Variants in FANCD2 observed in about 807,000 individuals in gnomAD.
FANCD2 encodes the protein Fanconi anemia group D2 protein.
A neutral mutation model predicts 192.3 loss-of-function variants in FANCD2; 131 were observed. The ratio of observed to expected loss-of-function variants is 0.68; its 90% CI spans 0.59 to 0.79. The LOEUF is 0.79. Ranked by LOEUF, FANCD2 falls within the 30% of genes least tolerant of loss-of-function variation. The pLI is 0.00. For missense variants in FANCD2, 1,508 were observed against 1,701.6 expected, an observed-to-expected ratio of 0.89 and a Z score of 2.00; for synonymous variants, 524 against 612.5, an observed-to-expected ratio of 0.86 and a Z score of 2.13.
chr3:10,069,878 C>T (rs950691234), intron 26 of FANCD2, among the ~76,000 whole-genome samples: 3 of 151,868 alleles, frequency 2.0e-5, no homozygotes, highest in African/African-American at 7.3e-5. Context: ...TCTGCCCGGC[C>T]GCCACCCCGT....
intron 2 of FANCD2, 114 bp downstream of exon 2, chr3:10,028,835 G>A (rs1427304528): frequency 1.1e-6 from 1 of 931,358 alleles, no homozygotes; most frequent in Non-Finnish European, 1.7e-6. Context: ...AATGAATGGA[G>A]TGCACAGAAT....
chr3:10,084,545 C>G (rs963242128), intron 32 of FANCD2, among the ~76,000 whole-genome samples: 1 of 152,174 alleles, frequency 6.6e-6, no homozygotes, highest in Admixed American at 6.5e-5. Context: ...AGTGATCCAC[C>G]CGCCTCAGCC....
At chr3:10,049,298 G>A in intron 16 of FANCD2, 76 bp from the exon 17 acceptor site, 1 of 1,372,666 alleles carries the variant, frequency 7.3e-7, no homozygotes. Context: ...GATTGGAGAG[G>A]CCTTGGGGGT....
chr3:10,074,739 T>C lies in FANCD2; in HGVS notation c.2859+66T>C. On this transcript the variant is annotated intron_variant, in intron 29 of 43. Coordinates refer to ENST00000675286, the MANE Select transcript of FANCD2 (RefSeq NM_001018115.3). ...AGAAAGTTCCTCAGGTCTATTCTTA[T>C]TTCACAAAGAACACTGTGACACTGA... 2.7e-6 allele frequency: 4 copies of C among 1,493,446 alleles called. No homozygotes were observed. The East Asian group carries it at 6.8e-5, about 25-fold the overall frequency. The allele number at this position is 1,493,446 out of a possible 1,614,324, so 92.5% of individuals were successfully genotyped here.
chr3:10,049,269 G>A lies in FANCD2; in HGVS notation c.1414-105G>A, dbSNP rs1481955096. 8.2e-6 allele frequency: 10 copies of A among 1,213,676 alleles called. No homozygotes were observed. In the East Asian group the frequency reaches 2.3e-4, roughly 28 times the overall value. 75.2% of individuals were successfully genotyped at this position (1,213,676 alleles called of 1,614,324 possible). Reference sequence around the variant, plus strand: ...AATAGGTGATGGGTTTGGGTTGATTGTGATTTTAACAAAGTAGAGATTGGA... The same window carrying A: ...AATAGGTGATGGGTTTGGGTTGATTATGATTTTAACAAAGTAGAGATTGGA... On this transcript the variant is annotated intron_variant, in intron 16 of 43. Transcript: ENST00000675286.
chr3:10,048,494 A>T (rs1400950074), intron 16 of FANCD2, among the ~76,000 whole-genome samples: 2 of 152,128 alleles, frequency 1.3e-5, no homozygotes, highest in Non-Finnish European at 2.9e-5. Flanking sequence ...TAGTAGACAC[A>T]GCGTTTCACC....
Position 10,080,831 on chromosome 3 carries a change from C to T in FANCD2, c.2977-269C>T, listed in dbSNP as rs77148318. On this transcript the variant is annotated intron_variant, in intron 30 of 43. Coordinates refer to ENST00000675286, the MANE Select transcript of FANCD2 (RefSeq NM_001018115.3). ...CATTTGTCAACCTAAATGATTTCTA[C>T]TTTTATGTGACCTTTATCTGATTAG... is the stretch of plus-strand genomic sequence containing the variant. 0.017 allele frequency among the ~76,000 whole-genome samples: 2,612 copies of T among 152,272 alleles called. 30 individuals carry two copies. The highest frequency in any genetic ancestry group is 0.025 in the Non-Finnish European group (1,703 of 68,016).
At chr3:10,083,488 A>C (rs966507828) in intron 32 of FANCD2, 5 of 152,220 alleles carry the variant, frequency 3.3e-5, no homozygotes, top group Non-Finnish European at 5.9e-5. Flanking sequence ...TTACAATGGT[A>C]CATCCATATT....
chr3:10,074,135 G>A (rs1469726563), intron 28 of FANCD2, among the ~76,000 whole-genome samples: 5 of 151,992 alleles, frequency 3.3e-5, no homozygotes, highest in African/African-American at 9.7e-5. Flanking sequence ...TAGTAGAGAC[G>A]GGGTTTCACC....
chr3:10,050,341 C>T (rs1257960184), intron 17 of FANCD2, among the ~76,000 whole-genome samples: 5 of 152,094 alleles, frequency 3.3e-5, no homozygotes, highest in Non-Finnish European at 7.4e-5. Flanking sequence ...GAATATGTGG[C>T]GGTCCGGGTG....
At chr3:10,043,276 C>T (rs539268105) in intron 12 of FANCD2, 126 bp downstream of exon 12, 1 of 831,382 alleles carries the variant, frequency 1.2e-6, no homozygotes, top group East Asian at 2.6e-5. Context: ...TATTGTTTTT[C>T]AAATTACATA....
At chr3:10,034,828 A>C in intron 5 of FANCD2, 30 bp downstream of exon 5, 2 of 1,497,760 alleles carry the variant, frequency 1.3e-6, no homozygotes. Flanking sequence ...AATCTTGCTG[A>C]AATTCAGTCT....
rs577093127 is a variant in FANCD2, at chr3:10,029,900, C to T, written c.64+1179C>T. Among the ~76,000 whole-genome samples the T allele has an allele frequency of 1.2e-4, 18 of 152,108 alleles. 1 individual carries two copies. In the East Asian group the frequency reaches 3.5e-3, roughly 29 times the overall value. Reference sequence around the variant, plus strand: ...CCAGGTTCAAGCGATTTTCCAGCCTCAGTCTCCCGAGTAGCTGGGATTACA... The same window carrying T: ...CCAGGTTCAAGCGATTTTCCAGCCTTAGTCTCCCGAGTAGCTGGGATTACA... On this transcript the variant is annotated intron_variant, in intron 2 of 43. Coordinates refer to ENST00000675286, the MANE Select transcript of FANCD2 (RefSeq NM_001018115.3).
At chr3:10,049,019 G>A (rs1264503868) in intron 16 of FANCD2, among the ~76,000 whole-genome samples, 1 of 151,810 alleles carries the variant, frequency 6.6e-6, no homozygotes, top group African/African-American at 2.4e-5. Context: ...CTCCTTGAGT[G>A]CCATCTTTTT....
rs1400021178 is a variant in FANCD2, at chr3:10,035,198, C to A, written c.403C>A (p.Leu135Ile). The A allele has an allele frequency of 6.2e-7, 1 of 1,613,478 alleles. No homozygotes were observed. Among genetic ancestry groups the A allele is most frequent in the Admixed American group, 1.7e-5 (1 of 60,010 alleles). ...ASMGASYSKS[L>I]IKLLLGIDIL... ...TATGGGTGCATCTTATTCTAAGAGTCTCATCAAACTGCTTCTGGGGATTGA... is the reference window on the plus strand; with the variant it reads ...TATGGGTGCATCTTATTCTAAGAGTATCATCAAACTGCTTCTGGGGATTGA... Residue 135 changes from leucine (L) to isoleucine (I), a missense_variant, in exon 6 of 44, where the codon CTC (leucine) becomes ATC (isoleucine). This residue lies in a region of FANCD2 where 435 missense variants were observed against 421.9 expected (regional missense o/e 1.03). Transcript: ENST00000675286.
intron 42 of FANCD2, among the ~76,000 whole-genome samples, chr3:10,097,391 G>A (rs1315103267): frequency 6.6e-6 from 1 of 152,122 alleles, no homozygotes; most frequent in East Asian, 1.9e-4. Context: ...TAAGAGACAG[G>A]TACACCCGGG....
rs553745313 is a variant in FANCD2, at chr3:10,044,002, T to C, written c.1134+138T>C. The C allele has an allele frequency of 2.5e-5, 18 of 726,236 alleles. No individual in the cohort carries two copies. In the South Asian group the frequency reaches 2.8e-4, roughly 11 times the overall value. The allele number at this position is 726,236 out of a possible 1,614,324, so 45.0% of individuals were successfully genotyped here. On this transcript the variant is annotated intron_variant, in intron 14 of 43. Coordinates refer to ENST00000675286, the MANE Select transcript of FANCD2 (RefSeq NM_001018115.3). ...CTTCCCTAGTTGCTCTAATAAACAT[T>C]AGCTGTCTGGGGAAGATAATCTGAG...
At chr3:10,051,951 G>T (rs1299217380) in intron 17 of FANCD2, among the ~76,000 whole-genome samples, 1 of 152,052 alleles carries the variant, frequency 6.6e-6, no homozygotes, top group African/African-American at 2.4e-5. Flanking sequence ...GGATGATATG[G>T]CAAGGAATAG....
Position 10,098,804 on chromosome 3 carries a change from A to G in FANCD2, c.4270A>G (p.Lys1424Glu), listed in dbSNP as rs1307220527. Residue 1424 changes from lysine to glutamate, a missense_variant, in exon 43 of 44, where the codon AAA becomes GAA. Around this residue, in one of 5 missense-constraint regions of FANCD2, gnomAD observed 796 missense variants for 879.4 expected, o/e 0.91. Coordinates refer to ENST00000675286, the MANE Select transcript of FANCD2 (RefSeq NM_001018115.3). The part of the protein sequence containing the change: ...DDMSSQASKS[K>E]ATEDGEEDEV... ...CATGTCATCCCAGGCCTCCAAGAGC[A>G]AAGCCACTGAGGTATCTCTACAAAA... The G allele has an allele frequency of 5.0e-6, 8 of 1,614,108 alleles. No homozygotes were observed. Among genetic ancestry groups the G allele is most frequent in the Non-Finnish European group, 6.8e-6 (8 of 1,180,044 alleles).
Sources: allele counts gnomAD v4.1 joint callset (sites outside exome capture counted in the v4.1 genomes callset), GRCh38; gene constraint gnomAD v4.1.1; regional missense constraint gnomAD v4.1.1; transcripts MANE v1.5; gene names NCBI Gene and HGNC (gene_info 2026-07-23, HGNC 2026-07-21).